Variants in ELMO1 observed in about 807,000 individuals in gnomAD.
ELMO1 encodes the protein engulfment and cell motility 1.
ELMO1 carries 26 observed loss-of-function variants against 98.9 expected under a neutral mutation model. The observed-to-expected ratio is 0.26, with a 90% CI of 0.19 to 0.36. The LOEUF (loss-of-function observed/expected upper bound fraction) is 0.36. Among genes scored for constraint, ELMO1 ranks in the 10% least tolerant of loss-of-function variants. The pLI, the probability that ELMO1 is intolerant of heterozygous loss-of-function variation, is 1.00. For missense variants in ELMO1, 627 were observed against 935.2 expected (o/e 0.67, Z 4.30); for synonymous variants, 346 against 346.0 (o/e 1.00, Z 0.00).
At chr7:37,174,097 G>C (rs1040455175) in intron 13 of ELMO1, among the ~76,000 whole-genome samples, 1 of 152,050 alleles carries the variant, frequency 6.6e-6, no homozygotes, top group South Asian at 2.1e-4. Context: ...ACCATGACTG[G>C]GGGGCTTAAA....
intron 15 of ELMO1, among the ~76,000 whole-genome samples, chr7:37,042,120 C>T (rs982940207): frequency 1.1e-4 from 13 of 122,816 alleles, no homozygotes; most frequent in Admixed American, 1.9e-4. Flanking sequence ...CCCGTCTCTA[C>T]GAAAAAAAAA....
rs569545853 is a variant in ELMO1 at position 36,973,765 on chromosome 7, C to T, written c.1437+39534G>A. The stretch of plus-strand genomic sequence containing the variant: ...TGGAGGGAGAGGCGCGAGCGGGAAC[C>T]GGGGCTGCGCGCGGCGCTTGCGAGC... On this transcript the variant is annotated intron_variant, in intron 16 of 21. Coordinates refer to ENST00000310758, the MANE Select transcript of ELMO1 (RefSeq NM_014800.11). Among the ~76,000 whole-genome samples the T allele has an allele frequency of 4.3e-3, 660 of 152,256 alleles. 11 individuals are homozygous for T. The highest frequency in any genetic ancestry group is 0.015 in the African/African-American group (626 of 41,564).
chr7:37,389,962 C>A (rs1802996270), intron 1 of ELMO1, among the ~76,000 whole-genome samples: 1 of 152,096 alleles, frequency 6.6e-6, no homozygotes, highest in Non-Finnish European at 1.5e-5. Flanking sequence ...ATCTCATAGC[C>A]TTCCCTATCC....
intron 4 of ELMO1, among the ~76,000 whole-genome samples, chr7:37,278,368 G>A (rs1018700338): frequency 6.6e-6 from 1 of 151,952 alleles, no homozygotes; most frequent in African/African-American, 2.4e-5. Context: ...GTTTAGCTGG[G>A]CATAGTGGCT....
chr7:36,896,327 C>G (rs774212414), intron 16 of ELMO1, among the ~76,000 whole-genome samples: 4 of 152,106 alleles, frequency 2.6e-5, no homozygotes, highest in Non-Finnish European at 5.9e-5. Flanking sequence ...ATGGATTTGG[C>G]ATAGATTTGA....
At chr7:36,959,415 T>C (rs1225446571) in intron 16 of ELMO1, among the ~76,000 whole-genome samples, 1 of 152,224 alleles carries the variant, frequency 6.6e-6, no homozygotes, top group African/African-American at 2.4e-5. Flanking sequence ...CTGAAAAATC[T>C]GGCCCCTGGC....
intron 13 of ELMO1, among the ~76,000 whole-genome samples, chr7:37,151,131 C>T (rs1788328202): frequency 6.6e-6 from 1 of 152,164 alleles, no homozygotes; most frequent in South Asian, 2.1e-4. Flanking sequence ...ATAGAAGAGG[C>T]CAGGAAGAGG....
At chr7:37,056,966 A>G (rs937247503) in intron 15 of ELMO1, among the ~76,000 whole-genome samples, 2 of 152,224 alleles carry the variant, frequency 1.3e-5, no homozygotes, top group Admixed American at 6.5e-5. Flanking sequence ...TAAATAATTA[A>G]TGTAAAAATT....
intron 16 of ELMO1, among the ~76,000 whole-genome samples, chr7:36,965,340 A>G (rs1213640484): frequency 6.6e-6 from 1 of 152,162 alleles, no homozygotes; most frequent in East Asian, 1.9e-4. Context: ...CACCGAATAA[A>G]TATTTGTTCC....
chr7:37,221,360 C>T (rs988445095), intron 10 of ELMO1, among the ~76,000 whole-genome samples: 1 of 152,184 alleles, frequency 6.6e-6, no homozygotes, highest in Non-Finnish European at 1.5e-5. Flanking sequence ...CATTCAGTAG[C>T]AGGTTCGCTT....
intron 4 of ELMO1, among the ~76,000 whole-genome samples, chr7:37,296,905 C>A (rs1044370007): frequency 1.3e-5 from 2 of 152,160 alleles, no homozygotes; most frequent in African/African-American, 4.8e-5. Flanking sequence ...AGACACCTGA[C>A]ATGCTCTCAA....
intron 14 of ELMO1, among the ~76,000 whole-genome samples, chr7:37,104,145 G>GGTGTTGTCTA (rs971362888): frequency 3.3e-5 from 5 of 151,344 alleles, no homozygotes; most frequent in African/African-American, 4.9e-5. Flanking sequence ...CACCTCCCCG[G>GGTGTTGTCTA]GTGTTGTCTA....
At chr7:37,269,472 C>T (rs1224378785) in intron 5 of ELMO1, 1 of 138,242 alleles carries the variant, frequency 7.2e-6, no homozygotes, top group African/African-American at 2.7e-5. Context: ...GACATAGTCT[C>T]ACTCTGTTGC....
intron 4 of ELMO1, among the ~76,000 whole-genome samples, chr7:37,295,268 G>A (rs1797975096): frequency 6.6e-6 from 1 of 152,152 alleles, no homozygotes; most frequent in Admixed American, 6.5e-5. Context: ...TGCTTGGAAG[G>A]TTTTTTAAAG....
chr7:37,083,424 A>G (rs1213939310), intron 15 of ELMO1, among the ~76,000 whole-genome samples: 1 of 152,246 alleles, frequency 6.6e-6, no homozygotes, highest in Non-Finnish European at 1.5e-5. Context: ...AGAAGAGCAA[A>G]GAAACCAGCA....
intron 4 of ELMO1, among the ~76,000 whole-genome samples, chr7:37,278,504 G>A (rs1796971860): frequency 6.6e-6 from 1 of 151,724 alleles, no homozygotes; most frequent in Non-Finnish European, 1.5e-5. Context: ...GCAAGACCCT[G>A]TCTCTTCAAA....
At chr7:37,218,271 T>C (rs970804034) in intron 10 of ELMO1, among the ~76,000 whole-genome samples, 1 of 152,294 alleles carries the variant, frequency 6.6e-6, no homozygotes, top group East Asian at 1.9e-4. Flanking sequence ...GAAGGGACAA[T>C]GTATGTCCAA....
At chr7:37,112,878 G>T (rs947610567) in intron 14 of ELMO1, among the ~76,000 whole-genome samples, 1 of 152,138 alleles carries the variant, frequency 6.6e-6, no homozygotes, top group Non-Finnish European at 1.5e-5. Context: ...AGGGACATTT[G>T]GGAACATTAC....
At position 37,010,227 on chromosome 7, in the gene ELMO1, A is replaced by G. The variant is rs1793450323; in HGVS notation, c.1437+3072T>C. Reference sequence around the variant, plus strand: ...CAAAAGGCTCCTCTGTCCGTGTTTCATTAATTTAAACTGATCTACACATCT... The same window carrying G: ...CAAAAGGCTCCTCTGTCCGTGTTTCGTTAATTTAAACTGATCTACACATCT... On this transcript the variant is annotated intron_variant, in intron 16 of 21. Coordinates refer to ENST00000310758, the MANE Select transcript of ELMO1 (RefSeq NM_014800.11). 2.7e-5 allele frequency among the ~76,000 whole-genome samples: 4 copies of G among 148,226 alleles called. 1 individual carries two copies. The South Asian group carries it at 8.6e-4, about 32-fold the overall frequency.
Sources: gnomAD v4.1 joint callset for allele counts (sites outside exome capture counted in the v4.1 genomes callset) on GRCh38, gnomAD v4.1.1 for gene constraint, MANE v1.5 for transcripts, NCBI Gene and HGNC (gene_info 2026-07-23, HGNC 2026-07-21) for gene names.